Variants in CEP112 observed in about 807,000 individuals in gnomAD.
CEP112 encodes centrosomal protein 112, also known as centrosomal protein of 112 kDa.
A neutral mutation model predicts 153.0 loss-of-function variants in CEP112; 127 were observed. That is an observed-to-expected ratio of 0.83 (90% CI 0.72 to 0.96). The LOEUF (loss-of-function observed/expected upper bound fraction) is 0.96. CEP112 is among the 40% of genes least tolerant of loss of function. The pLI, the probability that CEP112 is intolerant of heterozygous loss-of-function variation, is 0.00. For synonymous variants in CEP112, 358 were observed against 374.4 expected, an observed-to-expected ratio of 0.96 and a Z score of 0.51; for missense variants, 1,089 against 1,101.2, an observed-to-expected ratio of 0.99 and a Z score of 0.16.
In CEP112 at chr17:65,635,964, C is replaced by T. The variant is rs762667779; in HGVS notation, c.*7G>A. The T allele has an allele frequency of 3.7e-6, 6 of 1,600,190 alleles. No individual in the cohort carries two copies. The highest frequency in any genetic ancestry group is 2.7e-5 in the African/African-American group (2 of 74,958). Reference sequence around the variant, plus strand: ...GGAAATTGCATCCGTTGCATTCTCTCGTGCAGTTACCTGTAAACCAAAAAT... The same window carrying T: ...GGAAATTGCATCCGTTGCATTCTCTTGTGCAGTTACCTGTAAACCAAAAAT... On this transcript the variant is annotated 3_prime_UTR_variant, in exon 27 of 27. Transcript: ENST00000535342.
chr17:66,026,843 A>G (rs9912792), intron 16 of CEP112, among the ~76,000 whole-genome samples: 78,282 of 151,978 alleles, frequency 0.52, 21,084 homozygotes, highest in African/African-American at 0.59. Context: ...TCCAAGTTAT[A>G]GTTTTGGACC....
intron 17 of CEP112, among the ~76,000 whole-genome samples, chr17:65,985,812 A>T (rs1193347959): frequency 1.3e-5 from 2 of 151,490 alleles, no homozygotes; most frequent in African/African-American, 2.4e-5. Flanking sequence ...AAGATGAGGC[A>T]TAAGACCACA....
chr17:66,037,707 A>G (rs111234616), intron 12 of CEP112, among the ~76,000 whole-genome samples: 6,070 of 152,184 alleles, frequency 0.04, 167 homozygotes, highest in South Asian at 0.11. Flanking sequence ...TCAGTAATAG[A>G]AATAAAAAGG....
chr17:65,989,252 GA>G (rs1198986542), intron 17 of CEP112, among the ~76,000 whole-genome samples: 1 of 30,802 alleles, frequency 3.2e-5, no homozygotes, highest in South Asian at 5.5e-4. Flanking sequence ...AAAAAAAAAA[GA>G]AAGAAAGAAA....
At chr17:65,983,710 C>T (rs2063307181) in intron 17 of CEP112, among the ~76,000 whole-genome samples, 1 of 152,192 alleles carries the variant, frequency 6.6e-6, no homozygotes, top group Admixed American at 6.5e-5. Flanking sequence ...TGGCACCAAG[C>T]TTCTTGTACA....
In CEP112 at chr17:65,672,081, T is replaced by G. The variant is rs182554566; in HGVS notation, c.2697+17048A>C. On this transcript the variant is annotated intron_variant, in intron 24 of 26. Coordinates refer to ENST00000535342, the MANE Select transcript of CEP112 (RefSeq NM_001199165.4). ...AACTGAAAGATCATTAGAAGTAATG[T>G]TGGTAAGAGCTCTGGTGAGACAACT... Among the ~76,000 whole-genome samples the G allele has an allele frequency of 3.9e-5, 6 of 152,306 alleles. No individual in the cohort carries two copies. The East Asian group carries it at 1.2e-3, about 29-fold the overall frequency.
rs1009497191 is a variant in CEP112 at position 65,708,928 on chromosome 17, A to G, written c.2608-19710T>C. Among the ~76,000 whole-genome samples the G allele has an allele frequency of 1.4e-4, 21 of 152,084 alleles. 1 individual carries two copies. Among genetic ancestry groups the G allele is most frequent in the Non-Finnish European group, 8.8e-5 (6 of 68,004 alleles). On this transcript the variant is annotated intron_variant, in intron 23 of 26. Coordinates refer to ENST00000535342, the MANE Select transcript of CEP112 (RefSeq NM_001199165.4). The stretch of plus-strand genomic sequence containing the variant: ...CTAATGATGACTAAGATTGGACTGG[A>G]TGTGTAGGTGTCTCCTGGCCTCACC...
At chr17:65,708,520 C>A (rs920802834) in intron 23 of CEP112, among the ~76,000 whole-genome samples, 1 of 152,120 alleles carries the variant, frequency 6.6e-6, no homozygotes, top group African/African-American at 2.4e-5. Flanking sequence ...GAAACTGGCA[C>A]GTTGGCTCTG....
chr17:65,685,656 C>T (rs1598307782), intron 24 of CEP112, among the ~76,000 whole-genome samples: 1 of 145,234 alleles, frequency 6.9e-6, no homozygotes, highest in African/African-American at 2.5e-5. Flanking sequence ...GTGTCTGTGA[C>T]AATAGTTCTA....
At chr17:65,992,215 CTAA>C (rs2063619908) in intron 17 of CEP112, among the ~76,000 whole-genome samples, 1 of 151,946 alleles carries the variant, frequency 6.6e-6, no homozygotes, top group South Asian at 2.1e-4. Flanking sequence ...CCTATTTCCC[CTAA>C]TATTATAAAT....
chr17:65,882,747 TA>T (rs2059131129), intron 20 of CEP112, among the ~76,000 whole-genome samples: 1 of 152,182 alleles, frequency 6.6e-6, no homozygotes. Flanking sequence ...CACTGTATGT[TA>T]AAAATTTTGT....
intron 20 of CEP112, among the ~76,000 whole-genome samples, chr17:65,862,523 G>GC (rs1340245489): frequency 6.6e-6 from 1 of 152,162 alleles, no homozygotes. Context: ...AGGAGGCGGA[G>GC]CTTGCAGTGA....
At chr17:65,712,630 T>C (rs2049258881) in intron 23 of CEP112, among the ~76,000 whole-genome samples, 1 of 152,210 alleles carries the variant, frequency 6.6e-6, no homozygotes, top group Non-Finnish European at 1.5e-5. Context: ...TCTGCTGTGC[T>C]GTGGGGCTTC....
chr17:65,825,720 G>A (rs571087272), intron 21 of CEP112, among the ~76,000 whole-genome samples: 1 of 152,062 alleles, frequency 6.6e-6, no homozygotes, highest in South Asian at 2.1e-4. Context: ...AAATACATAA[G>A]AAAGAAAAAC....
intron 21 of CEP112, among the ~76,000 whole-genome samples, chr17:65,844,990 C>T (rs1035461149): frequency 3.4e-5 from 5 of 148,064 alleles, no homozygotes; most frequent in Non-Finnish European, 7.5e-5. Flanking sequence ...TTCAGCCTGG[C>T]GACAGAACAA....
At chr17:65,640,940 A>C (rs1158702010) in intron 25 of CEP112, 24 bp downstream of exon 25, 2 of 1,330,276 alleles carry the variant, frequency 1.5e-6, no homozygotes, top group Non-Finnish European at 1.1e-6. Context: ...AATCCTTGGA[A>C]AATGCCTTGA....
At chr17:66,139,672 T>C (rs771621584) in intron 4 of CEP112, among the ~76,000 whole-genome samples, 2 of 152,104 alleles carry the variant, frequency 1.3e-5, no homozygotes, top group Non-Finnish European at 2.9e-5. Context: ...TATGCCAATG[T>C]ATTGGATAAC....
At chr17:66,021,671 T>G (rs1269666107) in intron 16 of CEP112, among the ~76,000 whole-genome samples, 1 of 152,110 alleles carries the variant, frequency 6.6e-6, no homozygotes, top group Admixed American at 6.5e-5. Flanking sequence ...CTCTGTTTCT[T>G]GCCCAGCCTT....
At chr17:65,905,431 C>T (rs1875335748) in intron 19 of CEP112, among the ~76,000 whole-genome samples, 2 of 152,074 alleles carry the variant, frequency 1.3e-5, no homozygotes, top group African/African-American at 2.4e-5. Context: ...GAATGGTGAT[C>T]ATAAAAAGTC....
Sources: gnomAD v4.1 joint callset for allele counts (sites outside exome capture counted in the v4.1 genomes callset) on GRCh38, gnomAD v4.1.1 for gene constraint, MANE v1.5 for transcripts, NCBI Gene and HGNC (gene_info 2026-07-23, HGNC 2026-07-21) for gene names.